The following SLC9A1 variants were observed in gnomAD, a reference collection of about 807,000 sequenced individuals.
SLC9A1 encodes solute carrier family 9 member A1.
In SLC9A1, 22 loss-of-function variants were observed where a neutral mutation model predicts 67.9. That is an observed-to-expected ratio of 0.32 (90% confidence interval 0.23 to 0.46). SLC9A1 has a LOEUF of 0.46. Among genes scored for constraint, SLC9A1 ranks in the 20% least tolerant of loss-of-function variants. SLC9A1 has a pLI of 1.00. For synonymous variants in SLC9A1, 421 were observed against 471.8 expected (o/e 0.89, Z 1.40); for missense variants, 686 against 1,094.8 (o/e 0.63, Z 5.27).
chr1:27,148,904 A>G (rs57372913), intron 1 of SLC9A1, among the ~76,000 whole-genome samples: 3,502 of 152,218 alleles, frequency 0.023, 128 homozygotes, highest in African/African-American at 0.08. Context: ...AAAGGAGACC[A>G]CCCTTTACCT....
At position 27,102,086 on chromosome 1, in the gene SLC9A1, G is replaced by C. The variant is rs1225530622; in HGVS notation, c.1865C>G (p.Ala622Gly). 1 of 1,613,962 alleles carries C rather than the reference G, an allele frequency of 6.2e-7. No individual in the cohort carries two copies. Among genetic ancestry groups the C allele is most frequent in the African/African-American group, 1.3e-5 (1 of 74,946 alleles). ...CTCCTCCTCCTTGTCCTTGGACAGT[G>C]CTGGCAGGATGCGCTCGGAAGGCAG... ...KSLPSERILP[A>G]LSKDKEEEIR... The change falls in exon 9 of 12, where the codon GCA (alanine) becomes GGA (glycine). Residue 622 changes from alanine (A) to glycine (G), a missense_variant. Ala to Gly is a moderately conservative substitution (Grantham distance 60). Coordinates refer to ENST00000263980, the MANE Select transcript of SLC9A1 (RefSeq NM_003047.5).
In SLC9A1 at chr1:27,137,086, C is replaced by T. The variant is rs2083425105; in HGVS notation, c.352+16897G>A. Among the ~76,000 whole-genome samples, 1 of 152,280 alleles carries T rather than the reference C, an allele frequency of 6.6e-6. No individual in the cohort carries two copies. The highest frequency in any genetic ancestry group is 2.1e-4 in the South Asian group (1 of 4,838). ...GTGCTGTGTCCCTGCGGCACTTCAGCCTGCCTTGTGTTTTAGTTGTTTACA... is the reference window on the plus strand; with the variant it reads ...GTGCTGTGTCCCTGCGGCACTTCAGTCTGCCTTGTGTTTTAGTTGTTTACA... On this transcript the variant is annotated intron_variant, in intron 1 of 11. Coordinates refer to ENST00000263980, the MANE Select transcript of SLC9A1 (RefSeq NM_003047.5). The surrounding 1 kb of genome is among the most constrained non-coding windows in gnomAD (Gnocchi z 4.6).
chr1:27,103,226 T>TG lies in SLC9A1; in HGVS notation c.1571dup (p.Gln525ThrfsTer30). The stretch of plus-strand genomic sequence containing the variant: ...GGCCCAGCCCGCACTCCAGTACCTG[T>TG]GTGTGGATCTCTTCGTTGATGGAGC... On this transcript the variant is annotated frameshift_variant, in exon 6 of 12. Transcript: ENST00000263980. LOFTEE classifies it high-confidence loss of function. 6.2e-7 allele frequency: 1 copy of TG among 1,610,614 alleles called. No individual in the cohort carries two copies. Among genetic ancestry groups the TG allele is most frequent in the Non-Finnish European group, 8.5e-7 (1 of 1,176,850 alleles).
At chr1:27,128,241 CG>C (rs1326569360) in intron 1 of SLC9A1, among the ~76,000 whole-genome samples, 1 of 145,274 alleles carries the variant, frequency 6.9e-6, no homozygotes, top group African/African-American at 2.5e-5. Context: ...AGGCAAATCA[CG>C]GTACTGCCCT....
chr1:27,141,703 G>A (rs1267367533), intron 1 of SLC9A1, among the ~76,000 whole-genome samples: 4 of 152,216 alleles, frequency 2.6e-5, no homozygotes, highest in Non-Finnish European at 5.9e-5. Context: ...GGCAGGCAGT[G>A]CTCAGTCAGG....
At chr1:27,123,801 G>A (rs928837334) in intron 1 of SLC9A1, among the ~76,000 whole-genome samples, 3 of 151,348 alleles carry the variant, frequency 2.0e-5, no homozygotes, top group East Asian at 3.9e-4. Context: ...GTGAGCCACC[G>A]CGCCCAGCCC....
chr1:27,147,624 TG>T (rs2083496891), intron 1 of SLC9A1, among the ~76,000 whole-genome samples: 1 of 151,898 alleles, frequency 6.6e-6, no homozygotes, highest in African/African-American at 2.4e-5. Flanking sequence ...ACAACAAAAT[TG>T]GAAGATCCCC....
rs1405050661 is a variant in SLC9A1, at chr1:27,117,851, G to A, written c.353-3565C>T. Among the ~76,000 whole-genome samples, 5 of 152,182 alleles carry A rather than the reference G, an allele frequency of 3.3e-5. No homozygotes were observed. In the East Asian group the frequency reaches 9.6e-4, roughly 29 times the overall value. On this transcript the variant is annotated intron_variant, in intron 1 of 11. Coordinates refer to ENST00000263980, the MANE Select transcript of SLC9A1 (RefSeq NM_003047.5). ...AGCGCTAATTAATTCTTTAGTCAAAGCTCGGTATTTTCTCTGAGCCAGGCC... is the reference window on the plus strand; with the variant it reads ...AGCGCTAATTAATTCTTTAGTCAAAACTCGGTATTTTCTCTGAGCCAGGCC...
intron 2 of SLC9A1, among the ~76,000 whole-genome samples, chr1:27,112,895 A>G (rs2083237743): frequency 6.7e-6 from 1 of 150,180 alleles, no homozygotes; most frequent in African/African-American, 2.4e-5. Context: ...AAAAAAAAAA[A>G]AAAAAAAAAA....
chr1:27,152,191 C>G (rs1477054675), intron 1 of SLC9A1, among the ~76,000 whole-genome samples: 1 of 152,170 alleles, frequency 6.6e-6, no homozygotes, highest in African/African-American at 2.4e-5. Context: ...ACAAAGCAGG[C>G]CAGGCCAAGC....
Position 27,106,941 on chromosome 1 carries a change from C to G in SLC9A1, c.1282+707G>C, listed in dbSNP as rs1391681407. Among the ~76,000 whole-genome samples, 3 of 151,826 alleles carry G rather than the reference C, an allele frequency of 2.0e-5. No homozygotes were observed. Among genetic ancestry groups the G allele is most frequent in the African/African-American group, 7.3e-5 (3 of 41,252 alleles). The stretch of plus-strand genomic sequence containing the variant: ...CACTTTGACACAGCCTGACTCTGTC[C>G]CCAGAGACCACAGCCTTGCTGTGAC... On this transcript the variant is annotated intron_variant, in intron 4 of 11. Coordinates refer to ENST00000263980, the MANE Select transcript of SLC9A1 (RefSeq NM_003047.5). This position sits in a 1 kb window ranked among gnomAD's most constrained non-coding sequence, Gnocchi z 4.3.
chr1:27,113,276 T>C (rs1181418001), intron 2 of SLC9A1, among the ~76,000 whole-genome samples: 1 of 152,076 alleles, frequency 6.6e-6, no homozygotes, highest in East Asian at 1.9e-4. Context: ...CTGGGCAACA[T>C]GGTCAAACCC....
intron 1 of SLC9A1, among the ~76,000 whole-genome samples, chr1:27,147,420 G>A (rs919777134): frequency 7.9e-5 from 12 of 151,924 alleles, no homozygotes; most frequent in African/African-American, 2.9e-4. Flanking sequence ...TGAACCTGGA[G>A]GCGGAGGTTG....
rs2083197834 is a variant in SLC9A1 at position 27,107,634 on chromosome 1, G to A, written c.1282+14C>T. 3 of 1,398,858 alleles carry A rather than the reference G, an allele frequency of 2.1e-6. No homozygotes were observed. Among genetic ancestry groups the A allele is most frequent in the Non-Finnish European group, 2.9e-6 (3 of 1,027,926 alleles). The allele number at this position is 1,398,858 out of a possible 1,614,324, so 86.7% of individuals were successfully genotyped here. On this transcript the variant is annotated intron_variant, in intron 4 of 11. Transcript: ENST00000263980. ...ACACCACAACCCCCACCCCGCCCCA[G>A]CCCTGGCCCTCACCCAGCACGCGGG...
Position 27,154,056 on chromosome 1 carries a change from G to A in SLC9A1, c.279C>T (p.Gly93=). ...GGGTGCGCACGTGTGTGTAGTCGAT[G>A]CCCAGGACTGGAAAGGCCTTGCGCG... ...MKPRKAFPVL[G]IDYTHVRTPF... is the part of the protein sequence containing the mutation. Residue 93 remains glycine (G), a synonymous_variant, in exon 1 of 12, where the codon GGC becomes GGT. Transcript: ENST00000263980. 6.2e-7 allele frequency: 1 copy of A among 1,612,352 alleles called. No individual in the cohort carries two copies. Among genetic ancestry groups the A allele is most frequent in the African/African-American group, 1.3e-5 (1 of 75,038 alleles).
At chr1:27,104,196 C>T (rs1289781942) in intron 5 of SLC9A1, among the ~76,000 whole-genome samples, 6 of 151,692 alleles carry the variant, frequency 4.0e-5, no homozygotes, top group Non-Finnish European at 2.9e-5. Context: ...ATTCTCCTGC[C>T]TCAGCCTCCC....
In SLC9A1 at chr1:27,134,682, C is replaced by G. The variant is rs376965961; in HGVS notation, c.352+19301G>C. 1.1e-4 allele frequency among the ~76,000 whole-genome samples: 17 copies of G among 152,316 alleles called. No homozygotes were observed. The South Asian group carries it at 3.5e-3, about 32-fold the overall frequency. On this transcript the variant is annotated intron_variant, in intron 1 of 11. Coordinates refer to ENST00000263980, the MANE Select transcript of SLC9A1 (RefSeq NM_003047.5). The stretch of plus-strand genomic sequence containing the variant: ...TGTTCTCTTGATGCCGATAAGGAAA[C>G]TCTTTCAAAAGATCCGATTTAATTT...
chr1:27,123,005 G>A (rs1042022131), intron 1 of SLC9A1, among the ~76,000 whole-genome samples: 1 of 151,874 alleles, frequency 6.6e-6, no homozygotes, highest in Non-Finnish European at 1.5e-5. Context: ...CTGGGGAAGC[G>A]GTGGGGGGCA....
chr1:27,148,165 G>C (rs2083502479), intron 1 of SLC9A1, among the ~76,000 whole-genome samples: 1 of 152,172 alleles, frequency 6.6e-6, no homozygotes, highest in African/African-American at 2.4e-5. Context: ...TTCTCTCCCA[G>C]AGGGCATGCA....
Sources: gnomAD v4.1 joint callset for allele counts (sites outside exome capture counted in the v4.1 genomes callset) on GRCh38, gnomAD v4.1.1 for gene constraint, Gnocchi (gnomAD v3.1) non-coding constraint, MANE v1.5 for transcripts, NCBI Gene and HGNC (gene_info 2026-07-23, HGNC 2026-07-21) for gene names.